ZNF469: variants seen among roughly 807,000 people sequenced by gnomAD.
ZNF469 encodes zinc finger protein 469.
A neutral mutation model predicts 1.0 loss-of-function variants in ZNF469; 1 was observed. That is an observed-to-expected ratio of 1.00 (90% confidence interval 0.35 to 4.73). The LOEUF is 4.73. Ranked by LOEUF, ZNF469 falls within the 30% of genes most tolerant of loss-of-function variation. ZNF469 has a pLI of 0.16. For missense variants in ZNF469, 6,100 were observed against 5,356.3 expected (o/e 1.14, Z -4.33); for synonymous variants, 2,703 against 2,363.4 (o/e 1.14, Z -4.17).
intron 1 of ZNF469, among the ~76,000 whole-genome samples, chr16:88,385,031 T>C (rs1395248836): frequency 6.6e-6 from 1 of 152,176 alleles, no homozygotes; most frequent in Non-Finnish European, 1.5e-5. Flanking sequence ...TGGATAATTT[T>C]AATAGGGATG....
At chr16:88,134,634 C>T in the ZNF469 span, among the ~76,000 whole-genome samples, 2,375 of 152,316 alleles carry the variant, frequency 0.016, 68 homozygotes, top group African/African-American at 0.055. Context: ...TCCTAAAAAG[C>T]GGCATCCATT....
the ZNF469 span, among the ~76,000 whole-genome samples, chr16:88,184,605 G>C: frequency 3.9e-3 from 591 of 152,036 alleles, 5 homozygotes; most frequent in African/African-American, 0.013. Context: ...CCGTTTCAGG[G>C]GGGAAGCTGC....
At chr16:88,383,836 AC>A (rs2092531446) in intron 1 of ZNF469, among the ~76,000 whole-genome samples, 1 of 151,724 alleles carries the variant, frequency 6.6e-6, no homozygotes, top group African/African-American at 2.4e-5. Context: ...ACCACGCCGC[AC>A]CCCCGCCCAG....
chr16:88,202,432 C>T, the ZNF469 span, among the ~76,000 whole-genome samples: 3 of 152,158 alleles, frequency 2.0e-5, no homozygotes, highest in Non-Finnish European at 2.9e-5. Flanking sequence ...CAGGTGCCCC[C>T]GTGGATAAGC....
the ZNF469 span, among the ~76,000 whole-genome samples, chr16:88,262,996 G>T: frequency 1.3e-5 from 2 of 152,252 alleles, no homozygotes; most frequent in Non-Finnish European, 2.9e-5. This position sits in a 1 kb window ranked among gnomAD's most constrained non-coding sequence, Gnocchi z 4.3. Context: ...GCTGGGGATC[G>T]TTCGCAGAAA....
chr16:88,282,787 G>A, the ZNF469 span, among the ~76,000 whole-genome samples: 3 of 152,190 alleles, frequency 2.0e-5, no homozygotes, highest in African/African-American at 7.2e-5. Flanking sequence ...TCCTGACCTC[G>A]ATGGAGTGGA....
chr16:88,401,090 A>G (rs886815251), intron 1 of ZNF469, among the ~76,000 whole-genome samples: 2 of 152,046 alleles, frequency 1.3e-5, no homozygotes, highest in Non-Finnish European at 1.5e-5. Context: ...TTGGACACTC[A>G]GTAGTCTCAA....
the ZNF469 span, among the ~76,000 whole-genome samples, chr16:88,325,245 C>T: frequency 2.4e-4 from 36 of 151,848 alleles, 1 homozygote; most frequent in Non-Finnish European, 3.8e-4. Context: ...AAGTCCTCAC[C>T]GGCACACTCC....
At chr16:88,156,544 G>T in the ZNF469 span, among the ~76,000 whole-genome samples, 3 of 152,344 alleles carry the variant, frequency 2.0e-5, no homozygotes, top group Admixed American at 6.5e-5. Flanking sequence ...GAACCTACAT[G>T]TGAGAAGTTG....
chr16:88,209,864 G>C, the ZNF469 span, among the ~76,000 whole-genome samples: 3 of 152,190 alleles, frequency 2.0e-5, no homozygotes, highest in Non-Finnish European at 4.4e-5. Context: ...ATGTTGCAAT[G>C]AATAAACCTG....
intron 1 of ZNF469, among the ~76,000 whole-genome samples, chr16:88,411,445 C>T (rs573941850): frequency 1.6e-4 from 23 of 141,014 alleles, no homozygotes; most frequent in African/African-American, 6.2e-4. Context: ...GGCAGGTGAG[C>T]AGGCAGGGGT....
chr16:88,146,550 G>A, the ZNF469 span, among the ~76,000 whole-genome samples: 3,878 of 152,162 alleles, frequency 0.025, 153 homozygotes, highest in East Asian at 0.19. Flanking sequence ...TGGGCTCCTG[G>A]GAAAGAATCT....
At chr16:88,310,397 C>T in the ZNF469 span, among the ~76,000 whole-genome samples, 2 of 143,838 alleles carry the variant, frequency 1.4e-5, no homozygotes, top group Non-Finnish European at 3.1e-5. Flanking sequence ...GTGCCTGGGG[C>T]TCTGGTCACA....
chr16:88,432,647 G>C lies in ZNF469; in HGVS notation c.5177G>C (p.Ser1726Thr). 6.4e-7 allele frequency: 1 copy of C among 1,550,444 alleles called. No homozygotes were observed. Among genetic ancestry groups the C allele is most frequent in the Non-Finnish European group, 8.7e-7 (1 of 1,146,978 alleles). ...CAAGATGTCTGCCTGCCTGAGCCCA[G>C]CAAGCAGCCTGGCCCACAGCTGGAT... ...PPQDVCLPEP[S>T]KQPGPQLDAG... The change falls in exon 3 of 3, where the codon AGC (serine) becomes ACC (threonine). Residue 1726 changes from serine (S) to threonine (T), a missense_variant. Coordinates refer to ENST00000565624, the MANE Select transcript of ZNF469 (RefSeq NM_001367624.2).
chr16:88,225,797 C>T, the ZNF469 span, among the ~76,000 whole-genome samples: 1 of 152,368 alleles, frequency 6.6e-6, no homozygotes, highest in East Asian at 1.9e-4. Context: ...GACCTGCCAG[C>T]ATCTCCATCC....
the ZNF469 span, among the ~76,000 whole-genome samples, chr16:88,161,680 A>G: frequency 6.6e-6 from 1 of 152,172 alleles, no homozygotes; most frequent in African/African-American, 2.4e-5. Context: ...TTATTCAATG[A>G]ATGTTGTGCC....
At chr16:88,305,162 G>C in the ZNF469 span, among the ~76,000 whole-genome samples, 2,960 of 152,292 alleles carry the variant, frequency 0.019, 92 homozygotes, top group African/African-American at 0.068. Context: ...TGCCCGGCAT[G>C]GGGCAGGCCA....
Position 88,432,147 on chromosome 16 carries a change from G to A in ZNF469, c.4677G>A (p.Glu1559=). Residue 1559 remains glutamate (E), a synonymous_variant, in exon 3 of 3, where the codon GAG becomes GAA. Transcript: ENST00000565624. Reference sequence around the variant, plus strand: ...TTGCTCTTATGAGTCACCTGTCCGAGGATGAACTGGAGATCCAGAAATTGG... The same window carrying A: ...TTGCTCTTATGAGTCACCTGTCCGAAGATGAACTGGAGATCCAGAAATTGG... ...CSVALMSHLS[E]DELEIQKLVT... 1 of 1,550,354 alleles carries A rather than the reference G, an allele frequency of 6.5e-7. No individual in the cohort carries two copies. Among genetic ancestry groups the A allele is most frequent in the Non-Finnish European group, 8.7e-7 (1 of 1,146,982 alleles).
At chr16:88,122,029 GTCAC>G in the ZNF469 span, among the ~76,000 whole-genome samples, 14 of 146,164 alleles carry the variant, frequency 9.6e-5, no homozygotes, top group African/African-American at 3.2e-4. Flanking sequence ...ATCACACTCT[GTCAC>G]TCACTACGGC....
Sources: gnomAD v4.1 joint callset for allele counts (sites outside exome capture counted in the v4.1 genomes callset) on GRCh38, gnomAD v4.1.1 for gene constraint, Gnocchi (gnomAD v3.1) non-coding constraint, MANE v1.5 for transcripts, NCBI Gene and HGNC (gene_info 2026-07-23, HGNC 2026-07-21) for gene names.